PARP12: variants seen among roughly 807,000 people sequenced by gnomAD.
PARP12 encodes the protein protein mono-ADP-ribosyltransferase PARP12.
Under a neutral mutation model 72.4 loss-of-function variants are expected in PARP12, and 59 were observed. The ratio of observed to expected loss-of-function variants is 0.81; its 90% CI spans 0.66 to 1.01. PARP12 has a LOEUF of 1.01. Among genes scored for constraint, PARP12 ranks in the 50% least tolerant of loss-of-function variants. The probability of loss-of-function intolerance (pLI) is 0.00; values close to 1 mark genes in which losing one functional copy is unlikely to be tolerated. For synonymous variants in PARP12, 403 were observed against 371.4 expected, an observed-to-expected ratio of 1.09 and a Z score of -0.98; for missense variants, 851 against 914.0, an observed-to-expected ratio of 0.93 and a Z score of 0.89.
At chr7:140,026,399 A>G in intron 10 of PARP12, 51 bp from the exon 11 acceptor site, 1 of 1,574,862 alleles carries the variant, frequency 6.3e-7, no homozygotes, top group Admixed American at 1.8e-5. Context: ...CGGCCACCAA[A>G]TACAGCCGGC....
Position 140,057,766 on chromosome 7 carries a change from C to T in PARP12, c.462+133G>A, listed in dbSNP as rs915388408. 34 of 1,308,168 alleles carry T rather than the reference C, an allele frequency of 2.6e-5. 1 individual carries two copies. The highest frequency in any genetic ancestry group is 1.4e-5 in the Non-Finnish European group (14 of 974,450). 81.0% of individuals were successfully genotyped at this position (1,308,168 alleles called of 1,614,324 possible). A position where few individuals can be genotyped will look rare whatever the true frequency, so the allele number is the denominator to read the frequency against. On this transcript the variant is annotated intron_variant, in intron 2 of 11. Transcript: ENST00000263549. ...TTCACTGCTCCTTCTGCTCCACATT[C>T]CAAATTTCTGCAGGTGGAAACCAGA...
chr7:140,053,428 C>T (rs536254289), intron 4 of PARP12, among the ~76,000 whole-genome samples: 73 of 152,104 alleles, frequency 4.8e-4, no homozygotes, highest in Non-Finnish European at 8.5e-4. Context: ...GTTTCCTGGG[C>T]GTGACAAACT....
Position 140,062,680 on chromosome 7 carries a change from G to A in PARP12, c.168C>T (p.Gly56=). 7.9e-7 allele frequency: 1 copy of A among 1,270,434 alleles called. No homozygotes were observed. Among genetic ancestry groups the A allele is most frequent in the Non-Finnish European group, 9.9e-7 (1 of 1,010,256 alleles). The allele number at this position is 1,270,434 out of a possible 1,614,324, so 78.7% of individuals were successfully genotyped here. ...CGCGCTCCGGGGCCGCGGCTGCGCC[G>A]CCCGCCCGCACCGCCACCACGAAGC... ...RGRFVVAVRA[G]GAAAAPERVV... is the part of the protein sequence containing the mutation. The change falls in exon 1 of 12, where the codon GGC becomes GGT. Residue 56 remains glycine (G), a synonymous_variant. Transcript: ENST00000263549.
At chr7:140,038,933 G>A (rs548582474) in intron 6 of PARP12, among the ~76,000 whole-genome samples, 6 of 152,330 alleles carry the variant, frequency 3.9e-5, no homozygotes, top group South Asian at 4.1e-4. Flanking sequence ...TCTCACGGGT[G>A]CTCTAGACGC....
In PARP12 at chr7:140,026,926, TAGCCAC is replaced by T. The variant is rs1214915584; in HGVS notation, c.1628+344_1628+349del. Among the ~76,000 whole-genome samples, 5 of 152,182 alleles carry T rather than the reference TAGCCAC, an allele frequency of 3.3e-5. No homozygotes were observed. The South Asian group carries it at 6.2e-4, about 19-fold the overall frequency. ...GTATGAACCTGAGACCCCTGCTGTC[TAGCCAC>T]AGCCTTATGTTCCTGGGGCTAATGG... On this transcript the variant is annotated intron_variant, in intron 10 of 11. Transcript: ENST00000263549.
In PARP12 at chr7:140,056,847, C is replaced by T. The variant is rs774594215; in HGVS notation, c.760+9G>A. ...CCCCACCAGCCTTACCACTCCCCACCAGCCTTACCAGAAGTCCCCTGTGGG... is the reference window on the plus strand; with the variant it reads ...CCCCACCAGCCTTACCACTCCCCACTAGCCTTACCAGAAGTCCCCTGTGGG... On this transcript the variant is annotated intron_variant, in intron 3 of 11. Coordinates refer to ENST00000263549, the MANE Select transcript of PARP12 (RefSeq NM_022750.4). 6.3e-7 allele frequency: 1 copy of T among 1,592,128 alleles called. No individual in the cohort carries two copies. Among genetic ancestry groups the T allele is most frequent in the Non-Finnish European group, 8.5e-7 (1 of 1,169,666 alleles).
intron 4 of PARP12, among the ~76,000 whole-genome samples, chr7:140,047,917 T>C (rs1276434721): frequency 1.3e-5 from 2 of 152,176 alleles, no homozygotes; most frequent in South Asian, 2.1e-4. Flanking sequence ...CACCTGGCAA[T>C]TTTTTAGAAA....
chr7:140,029,803 G>A (rs1815870803), intron 8 of PARP12, among the ~76,000 whole-genome samples: 1 of 152,214 alleles, frequency 6.6e-6, no homozygotes, highest in African/African-American at 2.4e-5. Context: ...AGACCAGCTG[G>A]AGGAAGAATC....
At position 140,034,250 on chromosome 7, in the gene PARP12, G is replaced by C; in HGVS notation, c.1406C>G (p.Thr469Arg). The C allele has an allele frequency of 6.2e-7, 1 of 1,612,616 alleles. No individual in the cohort carries two copies. The highest frequency in any genetic ancestry group is 8.5e-7 in the Non-Finnish European group (1 of 1,179,124). The part of the protein sequence containing the change: ...RPKYVSPQDV[T>R]TMQTCNTKFP... ...TGCAACCTACCAGGTTTGCATGGTC[G>C]TCACATCCTGGGGAGACACGTATTT... Residue 469 changes from threonine (T) to arginine (R), a missense_variant, in exon 8 of 12, where the codon ACG becomes AGG. By Grantham distance (71) the Thr-to-Arg change is moderately conservative (BLOSUM62 -1). This residue lies in a region of PARP12 where 347 missense variants were observed against 396.1 expected (regional missense o/e 0.88). Transcript: ENST00000263549.
intron 10 of PARP12, 30 bp downstream of exon 10, chr7:140,027,246 C>A (rs780811985): frequency 1.2e-6 from 2 of 1,606,600 alleles, no homozygotes; most frequent in Non-Finnish European, 1.7e-6. Flanking sequence ...GACAGAGTCA[C>A]CAGCCCACCA....
At chr7:140,026,403 A>G (rs1217795180) in intron 10 of PARP12, 55 bp from the exon 11 acceptor site, 1 of 1,563,998 alleles carries the variant, frequency 6.4e-7, no homozygotes, top group African/African-American at 1.4e-5. Context: ...CACCAAATAC[A>G]GCCGGCCTGA....
At chr7:140,024,935 A>G in intron 11 of PARP12, 50 bp from the exon 12 acceptor site, 2 of 1,564,418 alleles carry the variant, frequency 1.3e-6, no homozygotes, top group Non-Finnish European at 1.8e-6. Context: ...GCAGCCAGGA[A>G]GGGTCAGCAC....
At chr7:140,059,105 AAAAAG>A (rs1232842561) in intron 1 of PARP12, among the ~76,000 whole-genome samples, 2 of 152,086 alleles carry the variant, frequency 1.3e-5, no homozygotes, top group Non-Finnish European at 2.9e-5. Context: ...CAAAAAAAAA[AAAAAG>A]AAAGAAAAAA....
chr7:140,035,955 AGGAGGAGGAGGAGGACG>A lies in PARP12; in HGVS notation c.1325-1641_1325-1625del, dbSNP rs1816154255. 2.5e-5 allele frequency among the ~76,000 whole-genome samples: 2 copies of A among 80,616 alleles called. 1 individual carries two copies. Among genetic ancestry groups the A allele is most frequent in the African/African-American group, 2.1e-4 (2 of 9,496 alleles). The allele number at this position is 80,616 out of a possible 152,430, so 52.9% of individuals were successfully genotyped here. ...GAGGAGGAGGAGGAGGAGGAGGACGAGGAGGAGGAGGAGGACGAGGAGGAGGAGGAGGAGGAGGAGGA... is the reference window on the plus strand; with the variant it reads ...GAGGAGGAGGAGGAGGAGGAGGACGAAGGAGGAGGAGGAGGAGGAGGAGGA... On this transcript the variant is annotated intron_variant, in intron 7 of 11. Transcript: ENST00000263549.
At position 140,033,454 on chromosome 7, in the gene PARP12, A is replaced by G. The variant is rs114201589; in HGVS notation, c.1421+781T>C. ...CAGCCAGCTACCAGTAACACTGCCT[A>G]AAGTCCCAGCACTGGCTCTGGCAAG... On this transcript the variant is annotated intron_variant, in intron 8 of 11. Transcript: ENST00000263549. 457 of 985,424 alleles carry G rather than the reference A, an allele frequency of 4.6e-4. 2 individuals carry two copies. The African/African-American group carries it at 7.4e-3, about 16-fold the overall frequency. 61.0% of individuals were successfully genotyped at this position (985,424 alleles called of 1,614,324 possible). A position where few individuals can be genotyped will look rare whatever the true frequency, so the allele number is the denominator to read the frequency against.
Position 140,026,347 on chromosome 7 carries a change from G to A in PARP12, c.1630C>T (p.Gln544Ter). 1 of 1,608,496 alleles carries A rather than the reference G, an allele frequency of 6.2e-7. No individual in the cohort carries two copies. Among genetic ancestry groups the A allele is most frequent in the Non-Finnish European group, 8.5e-7 (1 of 1,178,904 alleles). ...NLALWEVYQW[Q>*]KGQMQKQNGG... The stretch of plus-strand genomic sequence containing the variant: ...TTCTGCTTCTGCATCTGTCCTTTTT[G>A]CCTAGAATCACAGAAGAATGTGTGC... The change falls in exon 11 of 12, where the codon CAA becomes TAA. Residue 544 changes from glutamine (Q) to a stop codon, truncating the protein, a stop_gained and splice_region_variant. Coordinates refer to ENST00000263549, the MANE Select transcript of PARP12 (RefSeq NM_022750.4). LOFTEE classifies it high-confidence loss of function.
In PARP12 at chr7:140,062,626, C is replaced by G; in HGVS notation, c.222G>C (p.Leu74=). 6.7e-7 allele frequency: 1 copy of G among 1,492,112 alleles called. No individual in the cohort carries two copies. Among genetic ancestry groups the G allele is most frequent in the Non-Finnish European group, 8.9e-7 (1 of 1,124,428 alleles). 92.4% of individuals were successfully genotyped at this position (1,492,112 alleles called of 1,614,324 possible). Residue 74 remains leucine, a synonymous_variant, in exon 1 of 12, where the codon CTG becomes CTC. Transcript: ENST00000263549. Reference sequence around the variant, plus strand: ...GCTTGGAGCCCTGGTGCGCGCGACACAGGCGCAGCGGCGAGGCGGCCAGCA... The same window carrying G: ...GCTTGGAGCCCTGGTGCGCGCGACAGAGGCGCAGCGGCGAGGCGGCCAGCA... ...RVVLAASPLR[L]CRAHQGSKPG... is the part of the protein sequence containing the mutation.
chr7:140,044,360 T>C (rs62490142), intron 5 of PARP12, among the ~76,000 whole-genome samples: 12,189 of 152,296 alleles, frequency 0.08, 534 homozygotes, highest in Non-Finnish European at 0.1. Context: ...CCAAAACTGA[T>C]GTCCTTTTAA....
chr7:140,026,652 C>T (rs1343165885), intron 10 of PARP12, among the ~76,000 whole-genome samples: 1 of 152,152 alleles, frequency 6.6e-6, no homozygotes, highest in Admixed American at 6.5e-5. Flanking sequence ...AACCCCACCC[C>T]CACCTTGCTC....
Sources: gnomAD v4.1 joint callset for allele counts (sites outside exome capture counted in the v4.1 genomes callset) on GRCh38, gnomAD v4.1.1 for gene constraint, gnomAD v4.1.1 regional missense constraint, MANE v1.5 for transcripts, NCBI Gene and HGNC (gene_info 2026-07-23, HGNC 2026-07-21) for gene names.